FUT8: variants seen among roughly 807,000 people sequenced by gnomAD.
The protein encoded by FUT8 is alpha-(1,6)-fucosyltransferase.
Under a neutral mutation model 71.3 loss-of-function variants are expected in FUT8, and 29 were observed. The ratio of observed to expected loss-of-function variants is 0.41; its 90% CI spans 0.30 to 0.55. FUT8 has a LOEUF of 0.55. FUT8 is among the 20% of genes least tolerant of loss of function. The pLI is 0.34. For missense variants in FUT8, 544 were observed against 702.1 expected (o/e 0.77, Z 2.55); for synonymous variants, 254 against 239.3 (o/e 1.06, Z -0.57).
chr14:65,527,139 A>G (rs60396689), intron 2 of FUT8, among the ~76,000 whole-genome samples: 18,904 of 152,156 alleles, frequency 0.12, 1,518 homozygotes, highest in East Asian at 0.38. Context: ...GTTCTCCTGG[A>G]TAATATCCTG....
rs150247811 is a variant in FUT8, at chr14:65,543,940, G to T, written c.-227-17397G>T. ...AAGGTAGAATAGAAAGATGAAAAGG[G>T]ATTTTTCACAGTTTCATTGAACCCC... On this transcript the variant is annotated intron_variant, in intron 2 of 10. Coordinates refer to ENST00000673929, the MANE Select transcript of FUT8 (RefSeq NM_001371533.1). Among the ~76,000 whole-genome samples, 492 of 152,256 alleles carry T rather than the reference G, an allele frequency of 3.2e-3. 3 individuals are homozygous for T. The East Asian group carries it at 0.035, about 11-fold the overall frequency.
chr14:65,562,317 A>G (rs1229991953), intron 3 of FUT8, among the ~76,000 whole-genome samples: 1 of 152,188 alleles, frequency 6.6e-6, no homozygotes, highest in East Asian at 1.9e-4. Flanking sequence ...AACAAAGATT[A>G]TAATAACTGG....
intron 6 of FUT8, 79 bp downstream of exon 6, chr14:65,629,685 G>A (rs1043735049): frequency 8.1e-6 from 8 of 989,394 alleles, no homozygotes; most frequent in Non-Finnish European, 1.3e-5. Context: ...AATTTCAGTT[G>A]TTTTTAGTCT....
intron 10 of FUT8, among the ~76,000 whole-genome samples, chr14:65,737,713 A>G (rs1258447048): frequency 2.6e-5 from 4 of 152,158 alleles, no homozygotes; most frequent in Non-Finnish European, 4.4e-5. Context: ...CATTGTTTAA[A>G]GAGCAGTTAA....
chr14:65,740,673 T>C (rs1896451585), intron 10 of FUT8, among the ~76,000 whole-genome samples: 1 of 151,930 alleles, frequency 6.6e-6, no homozygotes, highest in South Asian at 2.1e-4. Flanking sequence ...AGGAAGAGAA[T>C]TGGGAGGTGC....
intron 6 of FUT8, among the ~76,000 whole-genome samples, chr14:65,661,775 C>T (rs1429477541): frequency 2.0e-5 from 3 of 152,136 alleles, no homozygotes; most frequent in Non-Finnish European, 2.9e-5. Context: ...AGTAGAAGAA[C>T]GCCTATGGTT....
chr14:65,460,012 G>A (rs2065949093), intron 2 of FUT8, among the ~76,000 whole-genome samples: 1 of 152,164 alleles, frequency 6.6e-6, no homozygotes, highest in South Asian at 2.1e-4. Context: ...ATAAGATTGT[G>A]ACTCAGCTGA....
intron 9 of FUT8, among the ~76,000 whole-genome samples, chr14:65,731,720 C>G (rs1183386946): frequency 1.3e-5 from 2 of 152,144 alleles, no homozygotes; most frequent in Non-Finnish European, 2.9e-5. Context: ...GTCTCGAACT[C>G]TTGAGCTCAA....
At chr14:65,433,990 ATTGCCCTACAGTGGGG>A (rs1372182584) in intron 1 of FUT8, among the ~76,000 whole-genome samples, 1 of 152,136 alleles carries the variant, frequency 6.6e-6, no homozygotes, top group Non-Finnish European at 1.5e-5. Context: ...AATGTGTGTG[ATTGCCCTACAGTGGGG>A]TTGGGTAATA....
chr14:65,566,906 T>C (rs1886224042), intron 3 of FUT8, among the ~76,000 whole-genome samples: 1 of 152,010 alleles, frequency 6.6e-6, no homozygotes, highest in African/African-American at 2.4e-5. Context: ...TTTTTGCTCC[T>C]TGGGACTTGA....
intron 2 of FUT8, among the ~76,000 whole-genome samples, chr14:65,459,766 C>T (rs1268811180): frequency 6.6e-6 from 1 of 152,100 alleles, no homozygotes; most frequent in East Asian, 1.9e-4. Flanking sequence ...AACTGCTAGT[C>T]TCTTTTATTT....
intron 6 of FUT8, among the ~76,000 whole-genome samples, chr14:65,644,207 C>G (rs983359290): frequency 6.6e-6 from 1 of 151,978 alleles, no homozygotes; most frequent in African/African-American, 2.4e-5. Flanking sequence ...CACCTGAAAC[C>G]TATTCAACTT....
Position 65,629,590 on chromosome 14 carries a change from G to A in FUT8, c.581G>A (p.Arg194Lys), listed in dbSNP as rs1890071398. 19 of 1,611,622 alleles carry A rather than the reference G, an allele frequency of 1.2e-5. No homozygotes were observed. Among genetic ancestry groups the A allele is most frequent in the Non-Finnish European group, 1.6e-5 (19 of 1,177,928 alleles). The stretch of plus-strand genomic sequence containing the variant: ...GATCTGACAGAACTGGTTCAGCGGA[G>A]AATAACATATCTTCAGGTAAGAAGG... Reference protein sequence around the residue: ...AKDLTELVQRRITYLQNPKDC... With the variant: ...AKDLTELVQRKITYLQNPKDC... The change falls in exon 6 of 11, where the codon AGA becomes AAA. Residue 194 changes from arginine to lysine, a missense_variant. Transcript: ENST00000673929.
chr14:65,358,342 TA>T, the FUT8 span, among the ~76,000 whole-genome samples: 1 of 152,168 alleles, frequency 6.6e-6, no homozygotes, highest in South Asian at 2.1e-4. Context: ...AATAAATTAA[TA>T]AAAATATTTA....
intron 2 of FUT8, among the ~76,000 whole-genome samples, chr14:65,511,319 T>A (rs1882324837): frequency 6.6e-6 from 1 of 152,182 alleles, no homozygotes; most frequent in Admixed American, 6.5e-5. Flanking sequence ...TAAGACTTGT[T>A]TTGTGACCTA....
intron 7 of FUT8, among the ~76,000 whole-genome samples, chr14:65,680,335 T>C (rs763507516): frequency 1.1e-4 from 16 of 152,254 alleles, no homozygotes; most frequent in Admixed American, 2.0e-4. Flanking sequence ...TTTTAGCTTT[T>C]GCATTTATGT....
intron 1 of FUT8, among the ~76,000 whole-genome samples, chr14:65,432,175 G>GT (rs1566743177): frequency 4.6e-5 from 7 of 152,020 alleles, no homozygotes; most frequent in Admixed American, 3.3e-4. Flanking sequence ...TGTTTCTCAA[G>GT]TATTTGCCTT....
chr14:65,593,731 C>T (rs146270372), intron 3 of FUT8, among the ~76,000 whole-genome samples: 1 of 152,252 alleles, frequency 6.6e-6, no homozygotes, highest in African/African-American at 2.4e-5. Flanking sequence ...CATGCGCCTC[C>T]ACACCCAGCT....
chr14:65,583,463 G>T (rs1440399605), intron 3 of FUT8, among the ~76,000 whole-genome samples: 1 of 152,018 alleles, frequency 6.6e-6, no homozygotes, highest in Admixed American at 6.5e-5. Context: ...ATTGTGAAAG[G>T]TATTAGAGAT....
Sources: gnomAD v4.1 joint callset for allele counts (sites outside exome capture counted in the v4.1 genomes callset) on GRCh38, gnomAD v4.1.1 for gene constraint, MANE v1.5 for transcripts, NCBI Gene and HGNC (gene_info 2026-07-23, HGNC 2026-07-21) for gene names.